ATP9B: variants seen among roughly 807,000 people sequenced by gnomAD.
ATP9B encodes probable phospholipid-transporting ATPase IIB.
A neutral mutation model predicts 146.1 loss-of-function variants in ATP9B; 110 were observed. The observed-to-expected ratio is 0.75, with a 90% confidence interval of 0.65 to 0.88. The LOEUF is 0.88. Ranked by LOEUF, ATP9B falls within the 40% of genes least tolerant of loss-of-function variation. The pLI, the probability that ATP9B is intolerant of heterozygous loss-of-function variation, is 0.00. For synonymous variants in ATP9B, 604 were observed against 569.7 expected (o/e 1.06, Z -0.86); for missense variants, 1,499 against 1,496.4 (o/e 1.00, Z -0.03).
chr18:79,106,657 A>G (rs1307694588), intron 2 of ATP9B, among the ~76,000 whole-genome samples: 1 of 152,250 alleles, frequency 6.6e-6, no homozygotes, highest in Non-Finnish European at 1.5e-5. Context: ...ACAGTGATAC[A>G]AATAACATAA....
At chr18:79,209,573 G>A (rs1020151309) in intron 10 of ATP9B, 1 of 818,478 alleles carries the variant, frequency 1.2e-6, no homozygotes, top group Non-Finnish European at 1.5e-6. Context: ...TGGCAAGTGG[G>A]CCCGACTAGT....
intron 3 of ATP9B, 106 bp from the exon 4 acceptor site, chr18:79,113,135 T>A: frequency 1.6e-6 from 1 of 606,928 alleles, no homozygotes; most frequent in Non-Finnish European, 2.9e-6. Flanking sequence ...ATTCTCACTG[T>A]TTGATGGAAA....
chr18:79,103,329 G>A (rs969252120), intron 2 of ATP9B, among the ~76,000 whole-genome samples: 2 of 151,138 alleles, frequency 1.3e-5, no homozygotes, highest in Non-Finnish European at 2.9e-5. Context: ...AGCATTGGCA[G>A]GAGAAGTGGT....
intron 26 of ATP9B, among the ~76,000 whole-genome samples, chr18:79,366,557 T>A (rs1361765644): frequency 6.6e-6 from 1 of 152,210 alleles, no homozygotes; most frequent in Non-Finnish European, 1.5e-5. Context: ...AATGAAGGGC[T>A]GGATTGAAGC....
chr18:79,129,422 T>C (rs1396784056), intron 5 of ATP9B, among the ~76,000 whole-genome samples: 4 of 152,178 alleles, frequency 2.6e-5, no homozygotes, highest in African/African-American at 9.7e-5. Flanking sequence ...ATGGCCTGGC[T>C]AAATCTTCAG....
At chr18:79,366,946 C>T (rs905809424) in intron 26 of ATP9B, among the ~76,000 whole-genome samples, 1 of 152,256 alleles carries the variant, frequency 6.6e-6, no homozygotes, top group Non-Finnish European at 1.5e-5. Context: ...CACTGAACAC[C>T]CTGCACAGCA....
At chr18:79,294,859 C>T (rs2096536178) in intron 13 of ATP9B, among the ~76,000 whole-genome samples, 1 of 152,130 alleles carries the variant, frequency 6.6e-6, no homozygotes, top group African/African-American at 2.4e-5. Flanking sequence ...GCCCTAGGTC[C>T]ATGTTGCCAA....
intron 1 of ATP9B, among the ~76,000 whole-genome samples, chr18:79,095,274 C>T (rs1166474307): frequency 6.6e-6 from 1 of 152,168 alleles, no homozygotes. Context: ...ACTAACCAAG[C>T]TTGCTGCCTT....
In ATP9B at chr18:79,336,658, A is replaced by G. The variant is rs867076975; in HGVS notation, c.2059A>G (p.Thr687Ala). Residue 687 changes from threonine (T) to alanine (A), a missense_variant, in exon 18 of 30, where the codon ACC (threonine) becomes GCC (alanine). By Grantham distance (58) the Thr-to-Ala change is moderately conservative (BLOSUM62 0). Coordinates refer to ENST00000426216, the MANE Select transcript of ATP9B (RefSeq NM_198531.5). ...AAACATGGCTCGCGAAGGACTGCGG[A>G]CCCTCGTGGTTGCAAAGAAGGCGTT... ...CGNMAREGLR[T>A]LVVAKKALTE... 6.2e-7 allele frequency: 1 copy of G among 1,611,696 alleles called. No homozygotes were observed. Among genetic ancestry groups the G allele is most frequent in the African/African-American group, 1.3e-5 (1 of 74,768 alleles).
chr18:79,145,276 G>C (rs1222764005), intron 6 of ATP9B: 1 of 146,998 alleles, frequency 6.8e-6, no homozygotes, highest in African/African-American at 3.1e-5. Context: ...GGGAGCTGGC[G>C]GTGTGCAGAG....
chr18:79,205,492 TC>T lies in ATP9B; in HGVS notation c.955-1444del, dbSNP rs1319121153. ...TTCAAATTTGATTTCTTTTTTTTTT[TC>T]TTAAGGTATATCCTGATAGCAAATT... On this transcript the variant is annotated intron_variant, in intron 9 of 29. Transcript: ENST00000426216. 2.0e-5 allele frequency among the ~76,000 whole-genome samples: 3 copies of T among 152,146 alleles called. No individual in the cohort carries two copies. In the East Asian group the frequency reaches 5.8e-4, roughly 29 times the overall value.
At chr18:79,238,072 A>T (rs1448304118) in intron 11 of ATP9B, among the ~76,000 whole-genome samples, 4 of 152,118 alleles carry the variant, frequency 2.6e-5, no homozygotes, top group Non-Finnish European at 4.4e-5. Context: ...ATAAAAAAAA[A>T]ATTTTGGTGA....
At chr18:79,369,561 A>G (rs1466027644) in intron 26 of ATP9B, among the ~76,000 whole-genome samples, 2 of 149,590 alleles carry the variant, frequency 1.3e-5, no homozygotes, top group African/African-American at 2.5e-5. Context: ...AAAATCAGAG[A>G]ACGTATACTG....
chr18:79,255,281 C>G (rs535587120), intron 12 of ATP9B: 1 of 152,314 alleles, frequency 6.6e-6, no homozygotes, highest in Non-Finnish European at 1.5e-5. Context: ...AGTAACCTGC[C>G]TTTTTTATCT....
chr18:79,299,203 G>A (rs1006021514), intron 13 of ATP9B, among the ~76,000 whole-genome samples: 1 of 151,400 alleles, frequency 6.6e-6, no homozygotes, highest in African/African-American at 2.4e-5. Context: ...GAATGAAGCC[G>A]GGACTCCTGA....
In ATP9B at chr18:79,307,203, A is replaced by G. The variant is rs551659252; in HGVS notation, c.1742A>G (p.Asn581Ser). ...AEADQDFSDE[N>S]RTYQASSPDE... ...GCTGACCAAGACTTCAGTGATGAGA[A>G]TCGCACCTACCAGGCTTCCAGCCCG... Residue 581 changes from asparagine (N) to serine (S), a missense_variant, in exon 15 of 30, where the codon AAT becomes AGT. Coordinates refer to ENST00000426216, the MANE Select transcript of ATP9B (RefSeq NM_198531.5). The G allele has an allele frequency of 6.8e-6, 11 of 1,614,228 alleles. No individual in the cohort carries two copies. In the South Asian group the frequency reaches 1.2e-4, roughly 18 times the overall value.
chr18:79,177,814 G>C (rs1254289798), intron 8 of ATP9B, among the ~76,000 whole-genome samples: 1 of 152,140 alleles, frequency 6.6e-6, no homozygotes, highest in African/African-American at 2.4e-5. Context: ...GCTTCTCTGG[G>C]TCAGGCTTCT....
chr18:79,368,148 G>A (rs1278327210), intron 26 of ATP9B, among the ~76,000 whole-genome samples: 1 of 152,248 alleles, frequency 6.6e-6, no homozygotes, highest in African/African-American at 2.4e-5. Context: ...TGTCTGCGCT[G>A]CTTCTGCAGC....
intron 5 of ATP9B, among the ~76,000 whole-genome samples, chr18:79,143,336 G>T (rs1168697061): frequency 6.6e-6 from 1 of 152,154 alleles, no homozygotes; most frequent in Non-Finnish European, 1.5e-5. Context: ...CTCTTCTCCT[G>T]TGTTGGTAAA....
Sources: allele counts gnomAD v4.1 joint callset (sites outside exome capture counted in the v4.1 genomes callset), GRCh38; gene constraint gnomAD v4.1.1; transcripts MANE v1.5; gene names NCBI Gene and HGNC (gene_info 2026-07-23, HGNC 2026-07-21).